The following C8orf89 variants were observed in gnomAD, a reference collection of about 807,000 sequenced individuals.
The protein encoded by C8orf89 is chromosome 8 open reading frame 89, also known as putative uncharacterized protein C8orf89.
In C8orf89, 14 loss-of-function variants were observed where a neutral mutation model predicts 15.8. The observed-to-expected ratio is 0.89, with a 90% CI of 0.59 to 1.39. C8orf89 has a LOEUF of 1.39. Ranked by LOEUF, C8orf89 falls within the 40% of genes most tolerant of loss-of-function variation. The pLI, the probability that C8orf89 is intolerant of heterozygous loss-of-function variation, is 0.00. For missense variants in C8orf89, 181 were observed against 184.5 expected, an observed-to-expected ratio of 0.98 and a Z score of 0.11; for synonymous variants, 55 against 62.2, an observed-to-expected ratio of 0.88 and a Z score of 0.54.
the C8orf89 span, chr8:73,277,292 G>C: frequency 1.7e-6 from 1 of 591,946 alleles, no homozygotes; most frequent in Non-Finnish European, 3.1e-6. Context: ...ACACAAGTGG[G>C]AGCAACACAT....
At chr8:73,271,909 C>T in the C8orf89 span, among the ~76,000 whole-genome samples, 1 of 152,168 alleles carries the variant, frequency 6.6e-6, no homozygotes, top group East Asian at 1.9e-4. Flanking sequence ...TGGACGGGGA[C>T]ACAGAGCCAA....
At chr8:73,248,878 A>G (rs767914402) in intron 3 of C8orf89, among the ~76,000 whole-genome samples, 7 of 152,184 alleles carry the variant, frequency 4.6e-5, no homozygotes, top group Non-Finnish European at 7.3e-5. Flanking sequence ...GGATCATGTC[A>G]TCTACAAACA....
intron 2 of C8orf89, among the ~76,000 whole-genome samples, chr8:73,254,306 T>C (rs1357330610): frequency 6.6e-6 from 1 of 152,012 alleles, no homozygotes; most frequent in African/African-American, 2.4e-5. Flanking sequence ...GTGGATAAGC[T>C]TTTTGATGTG....
At chr8:73,258,590 C>T (rs1371009282) in intron 1 of C8orf89, among the ~76,000 whole-genome samples, 2 of 151,468 alleles carry the variant, frequency 1.3e-5, no homozygotes, top group Non-Finnish European at 2.9e-5. Context: ...TTAAGATACT[C>T]TCCACATAAC....
chr8:73,285,327 C>T, the C8orf89 span, among the ~76,000 whole-genome samples: 1 of 152,198 alleles, frequency 6.6e-6, no homozygotes, highest in Non-Finnish European at 1.5e-5. Flanking sequence ...ACAGATCCGG[C>T]AGGCGGACCC....
chr8:73,269,287 G>A, the C8orf89 span, among the ~76,000 whole-genome samples: 1 of 152,160 alleles, frequency 6.6e-6, no homozygotes, highest in Non-Finnish European at 1.5e-5. Context: ...TTGAGGAAAA[G>A]TGATTACGAG....
Position 73,241,484 on chromosome 8 carries a change from G to C in C8orf89, c.459C>G (p.Ser153Arg). 1 of 1,527,272 alleles carries C rather than the reference G, an allele frequency of 6.5e-7. No homozygotes were observed. The highest frequency in any genetic ancestry group is 8.8e-7 in the Non-Finnish European group (1 of 1,141,852). The allele number at this position is 1,527,272 out of a possible 1,614,324, so 94.6% of individuals were successfully genotyped here. A position where few individuals can be genotyped will look rare whatever the true frequency, so the allele number is the denominator to read the frequency against. ...AGCGGTCTCGGAGGTCTCGTTTCTT[G>C]CTTTTTTTTGATTTTGTGGTTGTTT... ...RQETTTKSKKSKKRDLRDR is the reference protein window; with the variant it reads ...RQETTTKSKKRKKRDLRDR Residue 153 changes from serine to arginine, a missense_variant, in exon 4 of 4, where the codon AGC (serine) becomes AGG (arginine). By Grantham distance (110) the Ser-to-Arg change is moderately radical (BLOSUM62 -1). Coordinates refer to ENST00000624510, the MANE Select transcript of C8orf89 (RefSeq NM_001243237.3).
At chr8:73,263,888 G>C (rs966873649), upstream of C8orf89, among the ~76,000 whole-genome samples, 1 of 152,124 alleles carries the variant, frequency 6.6e-6, no homozygotes. Flanking sequence ...TTGTTCCTAG[G>C]GGGACTTATA....
chr8:73,251,987 A>G (rs1813261255), intron 2 of C8orf89, among the ~76,000 whole-genome samples: 2 of 152,172 alleles, frequency 1.3e-5, no homozygotes, highest in African/African-American at 4.8e-5. Flanking sequence ...CTTTATAGTC[A>G]TGTTTCAAAC....
In C8orf89 at chr8:73,241,570, A is replaced by T; in HGVS notation, c.373T>A (p.Ser125Thr). The change falls in exon 4 of 4, where the codon TCT (serine) becomes ACT (threonine). Residue 125 changes from serine (S) to threonine (T), a missense_variant. Physicochemically the swap from Ser to Thr is moderately conservative, Grantham distance 58 (BLOSUM62 1). Transcript: ENST00000624510. ...TTGGAAAGTCTCTCTAAGTATTGAG[A>T]TGGTGCTCCAGTGAGAGGATCACTG... The part of the protein sequence containing the change: ...GFSDPLTGAP[S>T]QYLERLSKIA... 6.5e-7 allele frequency: 1 copy of T among 1,532,476 alleles called. No homozygotes were observed. Among genetic ancestry groups the T allele is most frequent in the Non-Finnish European group, 8.7e-7 (1 of 1,144,698 alleles). The allele number at this position is 1,532,476 out of a possible 1,614,324, so 94.9% of individuals were successfully genotyped here. A position where few individuals can be genotyped will look rare whatever the true frequency, so the allele number is the denominator to read the frequency against.
At chr8:73,260,760 T>C (rs762772775), upstream of C8orf89, among the ~76,000 whole-genome samples, 2 of 151,990 alleles carry the variant, frequency 1.3e-5, no homozygotes, top group African/African-American at 4.8e-5. Context: ...TAATATTGAG[T>C]GTCAACTTGA....
chr8:73,277,860 T>C, the C8orf89 span: 1 of 700,034 alleles, frequency 1.4e-6, no homozygotes, highest in Middle Eastern at 2.7e-4. Context: ...GCTTTCAAAG[T>C]CCTTGGTTCC....
intron 2 of C8orf89, among the ~76,000 whole-genome samples, chr8:73,256,726 C>CAGAAAAA (rs746689876): frequency 8.5e-4 from 37 of 43,710 alleles, no homozygotes; most frequent in African/African-American, 2.8e-3. Flanking sequence ...GACTCTGTCT[C>CAGAAAAA]AAAAAAAAAA....
At chr8:73,246,891 A>G (rs1213584671) in intron 3 of C8orf89, among the ~76,000 whole-genome samples, 1 of 152,210 alleles carries the variant, frequency 6.6e-6, no homozygotes, top group Non-Finnish European at 1.5e-5. Context: ...AGCATTACTT[A>G]GTAATTTTAG....
rs1433917194 is a variant in C8orf89 at position 73,259,377 on chromosome 8, T to C, written c.82A>G (p.Ser28Gly). 2 of 1,527,654 alleles carry C rather than the reference T, an allele frequency of 1.3e-6. No homozygotes were observed. The highest frequency in any genetic ancestry group is 3.9e-5 in the Admixed American group (2 of 50,808). The allele number at this position is 1,527,654 out of a possible 1,614,324, so 94.6% of individuals were successfully genotyped here. A position where few individuals can be genotyped will look rare whatever the true frequency, so the allele number is the denominator to read the frequency against. Residue 28 changes from serine (S) to glycine (G), a missense_variant, in exon 1 of 4, where the codon AGT becomes GGT. Coordinates refer to ENST00000624510, the MANE Select transcript of C8orf89 (RefSeq NM_001243237.3). ...TCTAAAACTGCTTTCTTCCAACTAC[T>C]CTCAAAAATCAAACAACTGCCAAAG... is the stretch of plus-strand genomic sequence containing the variant. ...SSFGSCLIFE[S>G]SWKKAVLETQ...
intron 3 of C8orf89, among the ~76,000 whole-genome samples, chr8:73,247,482 G>A (rs988105908): frequency 6.6e-6 from 1 of 152,112 alleles, no homozygotes; most frequent in South Asian, 2.1e-4. Flanking sequence ...TGGGTCAAAT[G>A]GCATTTCTGT....
At chr8:73,279,023 A>G in the C8orf89 span, among the ~76,000 whole-genome samples, 3 of 152,192 alleles carry the variant, frequency 2.0e-5, no homozygotes, top group Non-Finnish European at 4.4e-5. Context: ...GTATTACAGG[A>G]CATTTTCCCA....
At chr8:73,260,525 T>C (rs1257432130), upstream of C8orf89, among the ~76,000 whole-genome samples, 1 of 151,976 alleles carries the variant, frequency 6.6e-6, no homozygotes, top group Non-Finnish European at 1.5e-5. Flanking sequence ...CCCTAGAACT[T>C]AAAGTATAAT....
At chr8:73,247,249 C>A (rs1813147909) in intron 3 of C8orf89, among the ~76,000 whole-genome samples, 1 of 117,478 alleles carries the variant, frequency 8.5e-6, no homozygotes, top group Non-Finnish European at 1.7e-5. Flanking sequence ...CAGCTCCATC[C>A]ATGTTCCTGC....
Sources: gnomAD v4.1 joint callset for allele counts (sites outside exome capture counted in the v4.1 genomes callset) on GRCh38, gnomAD v4.1.1 for gene constraint, MANE v1.5 for transcripts, NCBI Gene and HGNC (gene_info 2026-07-23, HGNC 2026-07-21) for gene names.